The following CD151 variants were observed in gnomAD, a reference collection of about 807,000 sequenced individuals.
CD151 encodes CD151 antigen.
Under a neutral mutation model 34.2 loss-of-function variants are expected in CD151, and 20 were observed. The observed-to-expected ratio is 0.58, with a 90% confidence interval of 0.41 to 0.85. The LOEUF (loss-of-function observed/expected upper bound fraction) is 0.85. Ranked by LOEUF, CD151 falls within the 40% of genes least tolerant of loss-of-function variation. The probability of loss-of-function intolerance (pLI) is 0.00; values close to 1 mark genes in which losing one functional copy is unlikely to be tolerated. For synonymous variants in CD151, 157 were observed against 131.7 expected, an observed-to-expected ratio of 1.19 and a Z score of -1.32; for missense variants, 306 against 324.5, an observed-to-expected ratio of 0.94 and a Z score of 0.44.
At chr11:837,664 G>T in intron 7 of CD151, 46 bp downstream of exon 7, 2 of 1,528,032 alleles carry the variant, frequency 1.3e-6, no homozygotes, top group Non-Finnish European at 1.8e-6. Context: ...CGAGGTGGTG[G>T]GGGGGCACCC....
At position 837,629 on chromosome 11, in the gene CD151, A is replaced by G; in HGVS notation, c.615+11A>G. The G allele has an allele frequency of 6.2e-7, 1 of 1,610,030 alleles. No homozygotes were observed. Among genetic ancestry groups the G allele is most frequent in the Non-Finnish European group, 8.5e-7 (1 of 1,179,152 alleles). ...ATCTACAAGGTGGAGGTGGGTGTGCAGCGGGATCATGCCTCCAGTGTCTAC... is the reference window on the plus strand; with the variant it reads ...ATCTACAAGGTGGAGGTGGGTGTGCGGCGGGATCATGCCTCCAGTGTCTAC... On this transcript the variant is annotated intron_variant, in intron 7 of 8. Transcript: ENST00000397420.
intron 5 of CD151, 195 bp from the exon 6 acceptor site, chr11:837,055 C>T: frequency 1.5e-6 from 1 of 655,668 alleles, no homozygotes; most frequent in South Asian, 1.8e-5. Flanking sequence ...CTCTCTGCCT[C>T]TGCCGCACTT....
intron 2 of CD151, chr11:835,738 A>C (rs1292609478): frequency 7.8e-6 from 2 of 257,826 alleles, no homozygotes; most frequent in African/African-American, 4.5e-5. Context: ...CCCAGGCTGG[A>C]GTGCAGTGGC....
chr11:836,615 A>G, intron 4 of CD151, 154 bp from the exon 5 acceptor site: 1 of 846,392 alleles, frequency 1.2e-6, no homozygotes, highest in Non-Finnish European at 1.9e-6. Flanking sequence ...AGCTGAGGGA[A>G]GACACCAGCT....
chr11:834,128 G>A (rs1259219455), intron 1 of CD151: 1 of 152,172 alleles, frequency 6.6e-6, no homozygotes, highest in Admixed American at 6.5e-5. Flanking sequence ...GGAGGCCAAG[G>A]CGGGTGGAAC....
rs768831413 is a variant in CD151 at position 837,462 on chromosome 11, C to T, written c.459C>T (p.Phe153=). The T allele has an allele frequency of 1.2e-6, 2 of 1,612,918 alleles. No homozygotes were observed. Among genetic ancestry groups the T allele is most frequent in the East Asian group, 2.2e-5 (1 of 44,872 alleles). ...TSAVDQLQQE[F]HCCGSNNSQD... ...CCCCAGCCTTGTTCTTGATGCAGTT[C>T]CACTGCTGTGGCAGCAACAACTCAC... Residue 153 remains phenylalanine, a splice_region_variant and synonymous_variant, in exon 7 of 9, where the codon TTC becomes TTT. Transcript: ENST00000397420.
chr11:838,058 T>G, intron 8 of CD151, 30 bp downstream of exon 8: 1 of 1,610,542 alleles, frequency 6.2e-7, no homozygotes. Context: ...GCGGTCATCT[T>G]GTTGGGGACA....
At position 838,006 on chromosome 11, in the gene CD151, G is replaced by C; in HGVS notation, c.680G>C (p.Gly227Ala). The stretch of plus-strand genomic sequence containing the variant: ...CACCTGAGGGTCATTGGGGCTGTGG[G>C]GATCGGCATTGCCTGTGTGCAGGTG... The part of the protein sequence containing the change: ...QEHLRVIGAV[G>A]IGIACVQVFG... Residue 227 changes from glycine to alanine, a missense_variant, in exon 8 of 9, where the codon GGG becomes GCG. By Grantham distance (60) the Gly-to-Ala change is moderately conservative. Coordinates refer to ENST00000397420, the MANE Select transcript of CD151 (RefSeq NM_004357.5). 1 of 1,613,438 alleles carries C rather than the reference G, an allele frequency of 6.2e-7. No homozygotes were observed. The highest frequency in any genetic ancestry group is 8.5e-7 in the Non-Finnish European group (1 of 1,179,826).
chr11:837,250 C>G lies in CD151; in HGVS notation c.352C>G (p.Leu118Val). ...GAAGTTTCCTGCACCCCAACCCCAG[C>G]TGAACACGGAGCTCAAGGAGAACCT... ...GILAYAYYQQ[L>V]NTELKENLKD... The change falls in exon 6 of 9, where the codon CTG becomes GTG. Residue 118 changes from leucine to valine, a missense_variant and splice_region_variant. Coordinates refer to ENST00000397420, the MANE Select transcript of CD151 (RefSeq NM_004357.5). 6.2e-7 allele frequency: 1 copy of G among 1,612,398 alleles called. No individual in the cohort carries two copies. Among genetic ancestry groups the G allele is most frequent in the South Asian group, 1.1e-5 (1 of 91,066 alleles).
intron 7 of CD151, 100 bp from the exon 8 acceptor site, chr11:837,842 G>A: frequency 1.0e-6 from 1 of 974,876 alleles, no homozygotes; most frequent in Admixed American, 2.2e-5. Flanking sequence ...CTGCCTAGGT[G>A]CTAGGGGTGG....
At chr11:835,765 G>A (rs1165010522) in intron 2 of CD151, 12 of 335,712 alleles carry the variant, frequency 3.6e-5, no homozygotes, top group Admixed American at 4.4e-5. Context: ...TCGGCTCACT[G>A]CAAGCTTCGC....
At chr11:837,099 C>G in intron 5 of CD151, 151 bp from the exon 6 acceptor site, 1 of 692,598 alleles carries the variant, frequency 1.4e-6, no homozygotes, top group East Asian at 2.7e-5. Flanking sequence ...TGGCACCACC[C>G]AACCTCCCCT....
At chr11:835,577 G>A (rs1846725149) in intron 2 of CD151, 1 of 155,012 alleles carries the variant, frequency 6.5e-6, no homozygotes, top group African/African-American at 2.4e-5. Context: ...CCGACCTCAA[G>A]TGATTGCACC....
In CD151 at chr11:837,502, A is replaced by C; in HGVS notation, c.499A>C (p.Ser167Arg). Residue 167 changes from serine to arginine, a missense_variant, in exon 7 of 9, where the codon AGT (serine) becomes CGT (arginine). Coordinates refer to ENST00000397420, the MANE Select transcript of CD151 (RefSeq NM_004357.5). The stretch of plus-strand genomic sequence containing the variant: ...CAACAACTCACAGGACTGGCGAGAC[A>C]GTGAGTGGATCCGCTCACAGGAGGC... The part of the protein sequence containing the change: ...GSNNSQDWRD[S>R]EWIRSQEAGG... 6.2e-7 allele frequency: 1 copy of C among 1,612,950 alleles called. No individual in the cohort carries two copies. The highest frequency in any genetic ancestry group is 8.5e-7 in the Non-Finnish European group (1 of 1,179,936).
chr11:837,564 G>A lies in CD151; in HGVS notation c.561G>A (p.Thr187=), dbSNP rs140661544. Residue 187 remains threonine, a synonymous_variant, in exon 7 of 9, where the codon ACG becomes ACA. Coordinates refer to ENST00000397420, the MANE Select transcript of CD151 (RefSeq NM_004357.5). ...TGGTCCCAGACAGCTGCTGCAAGACGGTGGTGGCTCTTTGTGGGCAGCGAG... is the reference window on the plus strand; with the variant it reads ...TGGTCCCAGACAGCTGCTGCAAGACAGTGGTGGCTCTTTGTGGGCAGCGAG... ...GRVVPDSCCK[T]VVALCGQRDH... The A allele has an allele frequency of 1.3e-5, 21 of 1,613,046 alleles. No homozygotes were observed. Among genetic ancestry groups the A allele is most frequent in the Admixed American group, 1.7e-5 (1 of 59,990 alleles).
Position 836,807 on chromosome 11 carries a change from C to A in CD151, c.315C>A (p.Ile105=), listed in dbSNP as rs1432316905. 5.0e-6 allele frequency: 8 copies of A among 1,612,672 alleles called. No homozygotes were observed. Among genetic ancestry groups the A allele is most frequent in the Admixed American group, 3.3e-5 (2 of 59,990 alleles). The change falls in exon 5 of 9, where the codon ATC becomes ATA. Residue 105 remains isoleucine, a synonymous_variant. Coordinates refer to ENST00000397420, the MANE Select transcript of CD151 (RefSeq NM_004357.5). ...TCCTCATCATCTTTCTGCTGGAGAT[C>A]ATCGCTGGTATCCTCGCCTACGCCT... ...ILLLIIFLLE[I]IAGILAYAYY...
At position 836,553 on chromosome 11, in the gene CD151, C is replaced by T. The variant is rs537372809; in HGVS notation, c.276+111C>T. The T allele has an allele frequency of 7.4e-4, 668 of 896,790 alleles. 4 individuals carry two copies. In the African/African-American group the frequency reaches 9.2e-3, roughly 12 times the overall value. The allele number at this position is 896,790 out of a possible 1,614,324, so 55.6% of individuals were successfully genotyped here. On this transcript the variant is annotated intron_variant, in intron 4 of 8. Transcript: ENST00000397420. ...CTGTGCTCACCTGGGGGGGGGGTCA[C>T]GGTCCTTCCACACCTGCCTAGTCCT...
In CD151 at chr11:837,559, A is replaced by G; in HGVS notation, c.556A>G (p.Lys186Glu). The change falls in exon 7 of 9, where the codon AAG (lysine) becomes GAG (glutamate). Residue 186 changes from lysine (K) to glutamate (E), a missense_variant. Lys to Glu is a moderately conservative substitution (Grantham distance 56). Transcript: ENST00000397420. Reference sequence around the variant, plus strand: ...CCGTGTGGTCCCAGACAGCTGCTGCAAGACGGTGGTGGCTCTTTGTGGGCA... The same window carrying G: ...CCGTGTGGTCCCAGACAGCTGCTGCGAGACGGTGGTGGCTCTTTGTGGGCA... ...GGRVVPDSCC[K>E]TVVALCGQRD... is the part of the protein sequence containing the mutation. 1 of 1,613,130 alleles carries G rather than the reference A, an allele frequency of 6.2e-7. No individual in the cohort carries two copies. Among genetic ancestry groups the G allele is most frequent in the Middle Eastern group, 1.7e-4 (1 of 6,060 alleles).
In CD151 at chr11:838,100, C is replaced by T. The variant is rs202108260; in HGVS notation, c.703-33C>T. Reference sequence around the variant, plus strand: ...AGGGCGGTGGCTGGTGGCCCCATGACGTCTGCTTACGCCCACCCGGCTCTG... The same window carrying T: ...AGGGCGGTGGCTGGTGGCCCCATGATGTCTGCTTACGCCCACCCGGCTCTG... On this transcript the variant is annotated intron_variant, in intron 8 of 8. Transcript: ENST00000397420. 366 of 1,609,364 alleles carry T rather than the reference C, an allele frequency of 2.3e-4. No homozygotes were observed. In the African/African-American group the frequency reaches 4.2e-3, roughly 19 times the overall value.
Sources: gnomAD v4.1 joint callset for allele counts on GRCh38, gnomAD v4.1.1 for gene constraint, MANE v1.5 for transcripts, NCBI Gene and HGNC (gene_info 2026-07-23, HGNC 2026-07-21) for gene names.